PIK3R3: variants seen among roughly 807,000 people sequenced by gnomAD.
The protein encoded by PIK3R3 is phosphoinositide-3-kinase regulatory subunit 3.
PIK3R3 carries 64 observed loss-of-function variants against 62.9 expected under a neutral mutation model. The observed-to-expected ratio is 1.02, with a 90% CI of 0.83 to 1.25. The LOEUF (loss-of-function observed/expected upper bound fraction) is 1.25. PIK3R3 is among the 50% of genes most tolerant of loss of function. The pLI is 0.00. For synonymous variants in PIK3R3, 165 were observed against 189.0 expected, an observed-to-expected ratio of 0.87 and a Z score of 1.04; for missense variants, 614 against 561.6, an observed-to-expected ratio of 1.09 and a Z score of -0.94.
intron 7 of PIK3R3, chr1:46,048,222 T>C (rs1420903972): frequency 6.6e-6 from 1 of 152,250 alleles, no homozygotes; most frequent in East Asian, 1.9e-4. Flanking sequence ...TCAGTAAATA[T>C]TTGCTGGTGG....
intron 5 of PIK3R3, among the ~76,000 whole-genome samples, chr1:46,064,212 C>CA (rs1648786166): frequency 1.3e-5 from 2 of 150,224 alleles, no homozygotes; most frequent in Non-Finnish European, 3.0e-5. Context: ...GACTCTGTCT[C>CA]AAAAAAATAA....
chr1:46,105,311 C>T (rs1653093932), intron 1 of PIK3R3: 3 of 233,904 alleles, frequency 1.3e-5, no homozygotes, highest in Non-Finnish European at 1.7e-5. Context: ...ACCAACCTGG[C>T]CAACATGGTG....
At chr1:46,103,093 C>T (rs768915660) in intron 1 of PIK3R3, among the ~76,000 whole-genome samples, 1 of 152,132 alleles carries the variant, frequency 6.6e-6, no homozygotes. Context: ...ATCCCACTTA[C>T]TTATACGAGG....
chr1:46,046,651 A>G, intron 7 of PIK3R3, 26 bp from the exon 8 acceptor site: 1 of 1,539,206 alleles, frequency 6.5e-7, no homozygotes, highest in Non-Finnish European at 9.0e-7. Context: ...CACCAGTGTC[A>G]GTATCCATGC....
At chr1:46,169,374 C>T in the PIK3R3 span, among the ~76,000 whole-genome samples, 109 of 152,286 alleles carry the variant, frequency 7.2e-4, no homozygotes, top group Middle Eastern at 3.4e-3. Context: ...GGCATTGACA[C>T]ATTTAGGATG....
rs1284586381 is a variant in PIK3R3, at chr1:46,054,456, CCA to C, written c.941+1337_941+1338del. On this transcript the variant is annotated intron_variant, in intron 7 of 9. Coordinates refer to ENST00000262741, the MANE Select transcript of PIK3R3 (RefSeq NM_003629.4). Reference sequence around the variant, plus strand: ...ATCTTCCTCTACTGAAACTCTTCTGCCACAGTTCCAATCTCTAGGTGTATATT... The same window carrying C: ...ATCTTCCTCTACTGAAACTCTTCTGCCAGTTCCAATCTCTAGGTGTATATT... Among the ~76,000 whole-genome samples the C allele has an allele frequency of 3.3e-5, 5 of 150,524 alleles. No individual in the cohort carries two copies. In the East Asian group the frequency reaches 9.8e-4, roughly 29 times the overall value.
chr1:46,131,101 G>A (rs1655545058), intron 1 of PIK3R3, among the ~76,000 whole-genome samples: 1 of 152,072 alleles, frequency 6.6e-6, no homozygotes, highest in Non-Finnish European at 1.5e-5. Flanking sequence ...AGGTTCCCTC[G>A]TTTTTGTTTT....
At chr1:46,054,205 T>C (rs1489368769) in intron 7 of PIK3R3, among the ~76,000 whole-genome samples, 2 of 151,642 alleles carry the variant, frequency 1.3e-5, no homozygotes, top group Admixed American at 1.3e-4. Flanking sequence ...ACCAGCTTGG[T>C]CAACATGGTG....
chr1:46,093,216 T>A (rs1651805853), intron 1 of PIK3R3, among the ~76,000 whole-genome samples: 1 of 152,238 alleles, frequency 6.6e-6, no homozygotes, highest in African/African-American at 2.4e-5. Context: ...ACTGGTAGTT[T>A]AGTATCCTAG....
At chr1:46,048,997 C>T (rs1458951731) in intron 7 of PIK3R3, among the ~76,000 whole-genome samples, 2 of 152,062 alleles carry the variant, frequency 1.3e-5, no homozygotes, top group East Asian at 1.9e-4. Context: ...ATAAATTCTA[C>T]AGGAAAAATC....
chr1:46,146,557 C>T, the PIK3R3 span, among the ~76,000 whole-genome samples: 5 of 152,056 alleles, frequency 3.3e-5, no homozygotes, highest in South Asian at 1.0e-3. Context: ...GCTAGGCAGC[C>T]AAAAATGTCA....
rs148957730 is a variant in PIK3R3, at chr1:46,061,669, G to A, written c.764+260C>T. ...AAATACAGCCCCTAAATTGGTCTCC[G>A]GAATCAGGGAACAGTTTCTAGAAAA... On this transcript the variant is annotated intron_variant, in intron 6 of 9. Coordinates refer to ENST00000262741, the MANE Select transcript of PIK3R3 (RefSeq NM_003629.4). Among the ~76,000 whole-genome samples, 90 of 152,200 alleles carry A rather than the reference G, an allele frequency of 5.9e-4. No individual in the cohort carries two copies. In the East Asian group the frequency reaches 0.014, roughly 24 times the overall value.
chr1:46,048,826 T>C (rs1394974156), intron 7 of PIK3R3, among the ~76,000 whole-genome samples: 1 of 152,224 alleles, frequency 6.6e-6, no homozygotes, highest in Admixed American at 6.5e-5. Flanking sequence ...TAAAAGTCCA[T>C]TTCAAAGACT....
At chr1:46,106,335 G>C (rs1297362113) in intron 1 of PIK3R3, among the ~76,000 whole-genome samples, 1 of 152,028 alleles carries the variant, frequency 6.6e-6, no homozygotes, top group Non-Finnish European at 1.5e-5. Context: ...AAAATCCTGG[G>C]CTCAAGTGGA....
chr1:46,043,982 A>T (rs1478718718), intron 9 of PIK3R3, 111 bp from the exon 10 acceptor site: 12 of 944,082 alleles, frequency 1.3e-5, no homozygotes, highest in Non-Finnish European at 1.7e-5. Context: ...GTTTTTTGTT[A>T]ACCAGGCAAA....
At chr1:46,113,028 C>G (rs1571532601) in intron 1 of PIK3R3, among the ~76,000 whole-genome samples, 1 of 152,310 alleles carries the variant, frequency 6.6e-6, no homozygotes, top group East Asian at 1.9e-4. Context: ...TTCATTCTCA[C>G]TGCTACAATC....
the PIK3R3 span, among the ~76,000 whole-genome samples, chr1:46,151,373 C>T: frequency 1.3e-5 from 2 of 152,158 alleles, no homozygotes; most frequent in African/African-American, 4.8e-5. Flanking sequence ...GGCTGCCCCT[C>T]TTTCTAGGAT....
intron 1 of PIK3R3, among the ~76,000 whole-genome samples, chr1:46,108,588 C>T (rs984707073): frequency 6.6e-6 from 1 of 152,184 alleles, no homozygotes; most frequent in Non-Finnish European, 1.5e-5. Flanking sequence ...GCCAAACACT[C>T]TATACATCTC....
chr1:46,074,333 T>G (rs1230019050), intron 3 of PIK3R3, among the ~76,000 whole-genome samples: 1 of 140,036 alleles, frequency 7.1e-6, no homozygotes, highest in Non-Finnish European at 1.5e-5. Flanking sequence ...AAATTCAGCC[T>G]GACTCAACTT....
Sources: gnomAD v4.1 joint callset for allele counts (sites outside exome capture counted in the v4.1 genomes callset) on GRCh38, gnomAD v4.1.1 for gene constraint, MANE v1.5 for transcripts, NCBI Gene and HGNC (gene_info 2026-07-23, HGNC 2026-07-21) for gene names.